The following SART1 variants were observed in gnomAD, a reference collection of about 807,000 sequenced individuals.
SART1 encodes the protein spliceosome associated factor 1, recruiter of U4/U6.U5 tri-snRNP.
A neutral mutation model predicts 105.0 loss-of-function variants in SART1; 28 were observed. The ratio of observed to expected loss-of-function variants is 0.27; its 90% CI spans 0.20 to 0.37. The LOEUF is 0.37. SART1 is among the 10% of genes least tolerant of loss of function. SART1 has a pLI of 1.00. For missense variants in SART1, 894 were observed against 1,106.5 expected (o/e 0.81, Z 2.72); for synonymous variants, 472 against 462.9 (o/e 1.02, Z -0.25).
Position 65,966,088 on chromosome 11 carries a change from A to G in SART1, c.851A>G (p.Glu284Gly). 1 of 1,613,928 alleles carries G rather than the reference A, an allele frequency of 6.2e-7. No homozygotes were observed. Among genetic ancestry groups the G allele is most frequent in the Non-Finnish European group, 8.5e-7 (1 of 1,179,970 alleles). Residue 284 changes from glutamate to glycine, a missense_variant, in exon 8 of 20, where the codon GAG (glutamate) becomes GGG (glycine). Glu to Gly is a moderately conservative substitution (Grantham distance 98, BLOSUM62 -2). Transcript: ENST00000312397. Reference protein sequence around the residue: ...LTLKDKGVLQEEEDVLVNVNL... With the variant: ...LTLKDKGVLQGEEDVLVNVNL... ...GTGCTGCCCCCAGGCGTGCTGCAGGAGGAGGAGGACGTGCTGGTGAACGTG... is the reference window on the plus strand; with the variant it reads ...GTGCTGCCCCCAGGCGTGCTGCAGGGGGAGGAGGACGTGCTGGTGAACGTG...
intron 12 of SART1, among the ~76,000 whole-genome samples, chr11:65,969,409 G>A (rs1360469923): frequency 6.6e-6 from 1 of 152,200 alleles, no homozygotes; most frequent in Admixed American, 6.5e-5. Context: ...TAGCCCCGTG[G>A]ATCTCAGCCT....
rs1855539707 is a variant in SART1, at chr11:65,979,066, A to G, written c.*36A>G. 1.2e-6 allele frequency: 2 copies of G among 1,613,760 alleles called. No individual in the cohort carries two copies. Among genetic ancestry groups the G allele is most frequent in the Non-Finnish European group, 1.7e-6 (2 of 1,179,704 alleles). On this transcript the variant is annotated 3_prime_UTR_variant, in exon 20 of 20. Transcript: ENST00000312397. ...CCGCCCCGGCCCTGCCTCAACCTTC[A>G]TATTAAATAAAGCTCCCTCCTTATT...
At chr11:65,972,286 G>C (rs1855394543) in intron 12 of SART1, among the ~76,000 whole-genome samples, 1 of 152,152 alleles carries the variant, frequency 6.6e-6, no homozygotes, top group African/African-American at 2.4e-5. Context: ...AGACAGCGGG[G>C]CCCCGAGACA....
At chr11:65,977,958 G>A (rs1449413527) in intron 17 of SART1, 59 bp downstream of exon 17, 12 of 1,550,748 alleles carry the variant, frequency 7.7e-6, no homozygotes, top group Admixed American at 1.9e-5. Context: ...CAAGCCCAGG[G>A]CCATGCAATG....
intron 12 of SART1, 70 bp downstream of exon 12, chr11:65,967,891 C>T (rs182710991): frequency 4.0e-6 from 5 of 1,259,804 alleles, no homozygotes; most frequent in African/African-American, 3.1e-5. Flanking sequence ...GTGTCATAGG[C>T]GACAGCCACA....
rs533616558 is a variant in SART1 at position 65,979,131 on chromosome 11, C to A, written c.*101C>A. 6 of 1,498,478 alleles carry A rather than the reference C, an allele frequency of 4.0e-6. No homozygotes were observed. In the South Asian group the frequency reaches 7.1e-5, roughly 18 times the overall value. 92.8% of individuals were successfully genotyped at this position (1,498,478 alleles called of 1,614,324 possible). On this transcript the variant is annotated 3_prime_UTR_variant, in exon 20 of 20. Transcript: ENST00000312397. ...CGTGGTACAGATTCCAGGGTTGGAT[C>A]TTTGGTTGGGTGTGGCACAGAGTCT...
At position 65,965,919 on chromosome 11, in the gene SART1, C is replaced by T. The variant is rs544100223; in HGVS notation, c.771C>T (p.Leu257=). ...DLYSARDLQG[L]TVEHAIDSFR... ...ACAGTGCCCGGGACCTGCAGGGCCTCACCGTGGAGCATGCCATTGATTCCT... is the reference window on the plus strand; with the variant it reads ...ACAGTGCCCGGGACCTGCAGGGCCTTACCGTGGAGCATGCCATTGATTCCT... Residue 257 remains leucine, a synonymous_variant, in exon 7 of 20, where the codon CTC becomes CTT. Transcript: ENST00000312397. The T allele has an allele frequency of 6.2e-6, 10 of 1,613,992 alleles. No homozygotes were observed. Among genetic ancestry groups the T allele is most frequent in the Middle Eastern group, 1.6e-4 (1 of 6,084 alleles).
At chr11:65,975,036 T>G (rs1855454855) in intron 12 of SART1, among the ~76,000 whole-genome samples, 1 of 151,440 alleles carries the variant, frequency 6.6e-6, no homozygotes, top group Non-Finnish European at 1.5e-5. Context: ...TGAGACTCTG[T>G]CTCAAAAAGA....
chr11:65,970,303 G>A (rs1855346669), intron 12 of SART1, among the ~76,000 whole-genome samples: 1 of 152,126 alleles, frequency 6.6e-6, no homozygotes. Flanking sequence ...ACAGCAGCTC[G>A]CATGCCAACA....
At chr11:65,965,645 G>A (rs1855235108) in intron 5 of SART1, 57 bp from the exon 6 acceptor site, 8 of 1,560,266 alleles carry the variant, frequency 5.1e-6, no homozygotes, top group Admixed American at 1.7e-5. Flanking sequence ...AGCCCTGAGT[G>A]TTTTCTGGTG....
At position 65,964,063 on chromosome 11, in the gene SART1, T is replaced by G; in HGVS notation, c.314-11T>G. On this transcript the variant is annotated splice_polypyrimidine_tract_variant and intron_variant, in intron 1 of 19. Coordinates refer to ENST00000312397, the MANE Select transcript of SART1 (RefSeq NM_005146.5). ...TGTTCAGCTCCTGAGCCATGCTTCT[T>G]CTTGTTCCAGCTGCCAGCTCCAAAA... 6.2e-7 allele frequency: 1 copy of G among 1,610,468 alleles called. No individual in the cohort carries two copies. The highest frequency in any genetic ancestry group is 8.5e-7 in the Non-Finnish European group (1 of 1,179,898).
intron 7 of SART1, 21 bp downstream of exon 7, chr11:65,966,007 T>C: frequency 6.2e-7 from 1 of 1,613,838 alleles, no homozygotes; most frequent in Non-Finnish European, 8.5e-7. Flanking sequence ...CTGGGTGCCC[T>C]GGGTGGGGGC....
chr11:65,974,726 C>G (rs1369715831), intron 12 of SART1, among the ~76,000 whole-genome samples: 1 of 151,904 alleles, frequency 6.6e-6, no homozygotes, highest in Admixed American at 6.6e-5. Context: ...TTTATGTTTA[C>G]AATGTTCATT....
At chr11:65,963,048 G>C (rs1855178027) in intron 1 of SART1, among the ~76,000 whole-genome samples, 1 of 152,144 alleles carries the variant, frequency 6.6e-6, no homozygotes, top group African/African-American at 2.4e-5. Flanking sequence ...GGGAAATCCA[G>C]AGTTTGGACT....
intron 12 of SART1, among the ~76,000 whole-genome samples, chr11:65,969,791 C>T (rs1468519756): frequency 2.6e-5 from 4 of 152,202 alleles, no homozygotes; most frequent in South Asian, 2.1e-4. Flanking sequence ...GGCGCGATCT[C>T]GGCTCACTGC....
In SART1 at chr11:65,961,752, G is replaced by A; in HGVS notation, c.-29G>A. The A allele has an allele frequency of 6.8e-7, 1 of 1,467,754 alleles. No individual in the cohort carries two copies. The highest frequency in any genetic ancestry group is 1.5e-5 in the African/African-American group (1 of 67,412). 90.9% of individuals were successfully genotyped at this position (1,467,754 alleles called of 1,614,324 possible). On this transcript the variant is annotated 5_prime_UTR_variant, in exon 1 of 20. Coordinates refer to ENST00000312397, the MANE Select transcript of SART1 (RefSeq NM_005146.5). ...CATTTTGCGTTGTCTGGGCTCGGCGGCAGCCGGGCTCGGAGTGGACGTGCC... is the reference window on the plus strand; with the variant it reads ...CATTTTGCGTTGTCTGGGCTCGGCGACAGCCGGGCTCGGAGTGGACGTGCC...
At position 65,978,305 on chromosome 11, in the gene SART1, T is replaced by TCCA. The variant is rs1555061776; in HGVS notation, c.2173-295_2173-294insCCA. 0.21 allele frequency among the ~76,000 whole-genome samples: 1,124 copies of TCCA among 5,458 alleles called. 71 individuals carry two copies. The highest frequency in any genetic ancestry group is 0.52 in the East Asian group (782 of 1,512). 3.6% of individuals were successfully genotyped at this position (5,458 alleles called of 152,430 possible). A position where few individuals can be genotyped will look rare whatever the true frequency, so the allele number is the denominator to read the frequency against. On this transcript the variant is annotated intron_variant, in intron 17 of 19. Coordinates refer to ENST00000312397, the MANE Select transcript of SART1 (RefSeq NM_005146.5). This position sits in a 1 kb window ranked among gnomAD's most constrained non-coding sequence, Gnocchi z 6.8. Reference sequence around the variant, plus strand: ...CCTTGCTCTCTGGGGTTTGTCTCCCTGCAGCCCCAGCCCCAGCCCCAGCGT... The same window carrying TCCA: ...CCTTGCTCTCTGGGGTTTGTCTCCCTCCAGCAGCCCCAGCCCCAGCCCCAGCGT...
intron 2 of SART1, 31 bp from the exon 3 acceptor site, chr11:65,964,484 A>G: frequency 6.2e-7 from 1 of 1,612,784 alleles, no homozygotes; most frequent in Non-Finnish European, 8.5e-7. Context: ...TGTCTTTAAT[A>G]GCCCCTAACA....
In SART1 at chr11:65,977,112, C is replaced by A; in HGVS notation, c.1945+11C>A. 1 of 1,608,284 alleles carries A rather than the reference C, an allele frequency of 6.2e-7. No homozygotes were observed. The highest frequency in any genetic ancestry group is 1.1e-5 in the South Asian group (1 of 90,954). The stretch of plus-strand genomic sequence containing the variant: ...TGTGTCAGAACAAAGGTAGGGAGCT[C>A]AGGGCAGCCATGACTTGGGTGGGCT... On this transcript the variant is annotated intron_variant, in intron 15 of 19. Coordinates refer to ENST00000312397, the MANE Select transcript of SART1 (RefSeq NM_005146.5).
Sources: allele counts gnomAD v4.1 joint callset (sites outside exome capture counted in the v4.1 genomes callset), GRCh38; gene constraint gnomAD v4.1.1; non-coding constraint Gnocchi (gnomAD v3.1); transcripts MANE v1.5; gene names NCBI Gene and HGNC (gene_info 2026-07-23, HGNC 2026-07-21).